Variants in SGCD observed in about 807,000 individuals in gnomAD.
SGCD encodes the protein sarcoglycan delta.
A neutral mutation model predicts 36.6 loss-of-function variants in SGCD; 18 were observed. That is an observed-to-expected ratio of 0.49 (90% CI 0.34 to 0.73). The LOEUF is 0.73. Among genes scored for constraint, SGCD ranks in the 30% least tolerant of loss-of-function variants. The pLI is 0.01. For synonymous variants in SGCD, 133 were observed against 130.6 expected (o/e 1.02, Z -0.12); for missense variants, 387 against 346.7 (o/e 1.12, Z -0.92).
At chr5:156,588,088 CT>C (rs1307649089) in intron 4 of SGCD, among the ~76,000 whole-genome samples, 1 of 151,778 alleles carries the variant, frequency 6.6e-6, no homozygotes, top group Non-Finnish European at 1.5e-5. Context: ...TACCAGATTC[CT>C]TTTTCCATGT....
intron 3 of SGCD, among the ~76,000 whole-genome samples, chr5:156,222,253 T>A (rs1764734586): frequency 6.6e-6 from 1 of 152,074 alleles, no homozygotes; most frequent in African/African-American, 2.4e-5. Context: ...TGGGCTAAAG[T>A]TCTGAAGTTC....
intron 1 of SGCD, among the ~76,000 whole-genome samples, chr5:155,897,514 TATA>T (rs1357915918): frequency 6.6e-6 from 1 of 152,180 alleles, no homozygotes; most frequent in Non-Finnish European, 1.5e-5. Context: ...TTAAGCTGAC[TATA>T]ATTTCTTTCT....
At chr5:156,502,926 T>C (rs568555228) in intron 3 of SGCD, among the ~76,000 whole-genome samples, 39 of 152,282 alleles carry the variant, frequency 2.6e-4, no homozygotes, top group African/African-American at 9.1e-4. Context: ...AAATTCACAC[T>C]ATTTGATAGA....
the SGCD span, among the ~76,000 whole-genome samples, chr5:155,854,035 A>T: frequency 9.2e-4 from 140 of 152,336 alleles, no homozygotes; most frequent in African/African-American, 3.2e-3. Flanking sequence ...TTTAACATTT[A>T]GAAAATATAC....
chr5:155,727,872 G>T, the SGCD span, among the ~76,000 whole-genome samples: 7 of 152,182 alleles, frequency 4.6e-5, no homozygotes, highest in Non-Finnish European at 8.8e-5. Context: ...TCCTTCTCCC[G>T]GTGTTTCTTA....
chr5:156,446,061 C>T (rs1478662776), intron 3 of SGCD, among the ~76,000 whole-genome samples: 1 of 152,064 alleles, frequency 6.6e-6, no homozygotes, highest in Non-Finnish European at 1.5e-5. Flanking sequence ...CCAGTAGCCT[C>T]AGTGCCTGGC....
chr5:156,096,909 T>G (rs911036162), intron 1 of SGCD, among the ~76,000 whole-genome samples: 81 of 152,224 alleles, frequency 5.3e-4, no homozygotes, highest in African/African-American at 1.8e-3. Context: ...ACTGTCTTAG[T>G]TTTCCTTCAT....
Position 156,767,402 on chromosome 5 carries a change from G to C in SGCD, c.*8012G>C, listed in dbSNP as rs1048899632. The C allele has an allele frequency of 2.7e-5, 4 of 147,832 alleles. No individual in the cohort carries two copies. Among genetic ancestry groups the C allele is most frequent in the African/African-American group, 1.0e-4 (4 of 40,080 alleles). 9.2% of individuals were successfully genotyped at this position (147,832 alleles called of 1,614,324 possible). Reference sequence around the variant, plus strand: ...AGGCTATCCATCATTATGCTGGCTAGATGCGCTTCTGAAGAAGCCGGATTC... The same window carrying C: ...AGGCTATCCATCATTATGCTGGCTACATGCGCTTCTGAAGAAGCCGGATTC... On this transcript the variant is annotated 3_prime_UTR_variant, in exon 9 of 9. Transcript: ENST00000337851.
chr5:156,230,924 A>G (rs1561575729), intron 3 of SGCD, among the ~76,000 whole-genome samples: 1 of 152,172 alleles, frequency 6.6e-6, no homozygotes, highest in Non-Finnish European at 1.5e-5. Flanking sequence ...CTTAATTATC[A>G]TACAAGACAT....
chr5:155,972,853 C>T (rs1018180501), intron 1 of SGCD, among the ~76,000 whole-genome samples: 2 of 152,072 alleles, frequency 1.3e-5, no homozygotes, highest in Admixed American at 1.3e-4. Context: ...GACTGTCATT[C>T]ACCTTTTCGT....
chr5:156,743,799 A>G (rs562493684), intron 7 of SGCD, among the ~76,000 whole-genome samples: 3 of 152,326 alleles, frequency 2.0e-5, no homozygotes, highest in African/African-American at 7.2e-5. Context: ...CAAACTCAGC[A>G]GATTCATTGG....
intron 3 of SGCD, among the ~76,000 whole-genome samples, chr5:156,368,326 C>T (rs533670955): frequency 6.6e-6 from 1 of 152,240 alleles, no homozygotes; most frequent in Admixed American, 6.5e-5. Context: ...CTCCTGACTA[C>T]ATGATCCACC....
intron 2 of SGCD, among the ~76,000 whole-genome samples, chr5:156,123,539 G>A (rs113855111): frequency 2.6e-5 from 4 of 152,230 alleles, no homozygotes; most frequent in African/African-American, 9.6e-5. Flanking sequence ...ATTGAACTGT[G>A]CCACAGACAA....
chr5:156,028,885 C>A (rs1423659586), intron 1 of SGCD, among the ~76,000 whole-genome samples: 1 of 152,150 alleles, frequency 6.6e-6, no homozygotes, highest in Non-Finnish European at 1.5e-5. Context: ...GTTAATATTA[C>A]TAATTAAAAG....
intron 3 of SGCD, among the ~76,000 whole-genome samples, chr5:156,174,792 A>T (rs1466350140): frequency 6.6e-6 from 1 of 152,180 alleles, no homozygotes; most frequent in African/African-American, 2.4e-5. Context: ...ATAAGACTTC[A>T]TGGTTTCTTA....
chr5:156,049,931 AC>A (rs1759873608), intron 1 of SGCD, among the ~76,000 whole-genome samples: 2 of 146,692 alleles, frequency 1.4e-5, no homozygotes, highest in Admixed American at 1.4e-4. Flanking sequence ...TCATGATAAA[AC>A]TTGAATGGAT....
chr5:156,383,646 AG>A (rs1194872118), intron 3 of SGCD, among the ~76,000 whole-genome samples: 1 of 152,182 alleles, frequency 6.6e-6, no homozygotes, highest in Non-Finnish European at 1.5e-5. Flanking sequence ...TGCTTATAAA[AG>A]GGAATTTGAC....
chr5:156,557,751 T>C (rs919712559), intron 4 of SGCD, among the ~76,000 whole-genome samples: 1 of 152,134 alleles, frequency 6.6e-6, no homozygotes, highest in African/African-American at 2.4e-5. Flanking sequence ...TTCCGTGATA[T>C]ATCCCCTCTG....
chr5:156,329,946 G>A (rs540806295), intron 2 of SGCD, among the ~76,000 whole-genome samples: 2 of 150,502 alleles, frequency 1.3e-5, no homozygotes, highest in East Asian at 2.0e-4. Context: ...GAACCCGGAA[G>A]GTGGAGCTTG....
Sources: allele counts gnomAD v4.1 joint callset (sites outside exome capture counted in the v4.1 genomes callset), GRCh38; gene constraint gnomAD v4.1.1; transcripts MANE v1.5; gene names NCBI Gene and HGNC (gene_info 2026-07-23, HGNC 2026-07-21).